ADCY7: variants seen among roughly 807,000 people sequenced by gnomAD.
ADCY7 encodes the protein adenylate cyclase type 7.
In ADCY7, 72 loss-of-function variants were observed where a neutral mutation model predicts 120.6. The ratio of observed to expected loss-of-function variants is 0.60; its 90% CI spans 0.49 to 0.73. The LOEUF (loss-of-function observed/expected upper bound fraction) is 0.73, where lower values mean the gene tolerates loss of function less well. Among genes scored for constraint, ADCY7 ranks in the 30% least tolerant of loss-of-function variants. The pLI is 0.00. For synonymous variants in ADCY7, 661 were observed against 628.0 expected, an observed-to-expected ratio of 1.05 and a Z score of -0.78; for missense variants, 1,227 against 1,486.0, an observed-to-expected ratio of 0.83 and a Z score of 2.87.
At position 50,301,118 on chromosome 16, in the gene ADCY7, G is replaced by A. The variant is rs773219805; in HGVS notation, c.1272G>A (p.Leu424=). 1.2e-6 allele frequency: 2 copies of A among 1,613,962 alleles called. No homozygotes were observed. Among genetic ancestry groups the A allele is most frequent in the Non-Finnish European group, 1.7e-6 (2 of 1,179,946 alleles). ...VHITEATLKH[L]DKAYEVEDGH... is the part of the protein sequence containing the mutation. Reference sequence around the variant, plus strand: ...TCACGGAGGCCACGCTAAAGCACCTGGACAAGGCGTACGAGGTGGAGGATG... The same window carrying A: ...TCACGGAGGCCACGCTAAAGCACCTAGACAAGGCGTACGAGGTGGAGGATG... The change falls in exon 10 of 26, where the codon CTG becomes CTA. Residue 424 remains leucine (L), a synonymous_variant. Transcript: ENST00000673801.
intron 1 of ADCY7, among the ~76,000 whole-genome samples, chr16:50,249,301 A>C (rs1460341025): frequency 6.6e-6 from 1 of 152,078 alleles, no homozygotes; most frequent in South Asian, 2.1e-4. Flanking sequence ...TTAGCCAGGC[A>C]TGGTGGTGTG....
At chr16:50,298,776 G>T in intron 7 of ADCY7, 128 bp from the exon 8 acceptor site, 2 of 1,348,270 alleles carry the variant, frequency 1.5e-6, no homozygotes, top group South Asian at 1.4e-5. Flanking sequence ...CCTGGTGACT[G>T]GACCCCAGGA....
chr16:50,290,627 C>T lies in ADCY7; in HGVS notation c.342C>T (p.Asp114=), dbSNP rs145557253. 69 of 1,614,042 alleles carry T rather than the reference C, an allele frequency of 4.3e-5. No homozygotes were observed. The highest frequency in any genetic ancestry group is 3.5e-4 in the African/African-American group (26 of 75,058). The change falls in exon 3 of 26, where the codon GAC becomes GAT. Residue 114 remains aspartate (D), a synonymous_variant. Coordinates refer to ENST00000673801, the MANE Select transcript of ADCY7 (RefSeq NM_001114.5). ...LVALGYVLVF[D]AWTKAACAWE... ...CGCTGGGCTATGTGCTGGTGTTCGA[C>T]GCATGGACAAAGGCGGCCTGTGCGT...
intron 17 of ADCY7, chr16:50,309,168 C>T: frequency 3.2e-6 from 1 of 314,794 alleles, no homozygotes; most frequent in South Asian, 6.6e-5. Flanking sequence ...CACTTGTCCA[C>T]CTCTCTCCCA....
chr16:50,314,102 C>T (rs1384706760), intron 23 of ADCY7, 40 bp downstream of exon 23: 1 of 1,581,516 alleles, frequency 6.3e-7, no homozygotes, highest in South Asian at 1.1e-5. Flanking sequence ...TGACTGTCCT[C>T]ACTTAAAGGT....
rs1389922152 is a variant in ADCY7 at position 50,317,950 on chromosome 16, G to A, written c.*2445G>A. On this transcript the variant is annotated 3_prime_UTR_variant, in exon 26 of 26. Coordinates refer to ENST00000673801, the MANE Select transcript of ADCY7 (RefSeq NM_001114.5). ...AAGATCATTAACCACTGTATACTTT[G>A]TGTATATAATAGGTCAGTGTAAAGA... 6.6e-6 allele frequency: 1 copy of A among 152,270 alleles called. No homozygotes were observed. The highest frequency in any genetic ancestry group is 1.5e-5 in the Non-Finnish European group (1 of 68,018). 9.4% of individuals were successfully genotyped at this position (152,270 alleles called of 1,614,324 possible).
At chr16:50,267,005 T>C (rs1401751953) in intron 1 of ADCY7, among the ~76,000 whole-genome samples, 3 of 152,148 alleles carry the variant, frequency 2.0e-5, no homozygotes, top group Non-Finnish European at 4.4e-5. Context: ...ATGTCCACAC[T>C]CCTTCTCGAG....
intron 1 of ADCY7, among the ~76,000 whole-genome samples, chr16:50,282,460 A>G (rs9940842): frequency 0.99 from 150,887 of 152,284 alleles, 74,773 homozygotes; most frequent in Middle Eastern, 1. Context: ...GGGATAAGGG[A>G]GTGTGTGTGG....
At chr16:50,285,167 C>T (rs1457220349) in intron 1 of ADCY7, among the ~76,000 whole-genome samples, 6 of 152,214 alleles carry the variant, frequency 3.9e-5, no homozygotes, top group Admixed American at 1.3e-4. Context: ...CATCATTTCA[C>T]GTAGAAATCA....
At chr16:50,276,289 A>C (rs538392713) in intron 1 of ADCY7, among the ~76,000 whole-genome samples, 1 of 152,240 alleles carries the variant, frequency 6.6e-6, no homozygotes, top group Non-Finnish European at 1.5e-5. Context: ...GGGCACTCAC[A>C]GACCAGAGTA....
chr16:50,260,682 T>C (rs983444620), intron 1 of ADCY7, among the ~76,000 whole-genome samples: 2 of 152,216 alleles, frequency 1.3e-5, no homozygotes, highest in African/African-American at 4.8e-5. Context: ...AAGGCTTGAC[T>C]GGGGCTGGAG....
rs763219848 is a variant in ADCY7, at chr16:50,300,818, G to T, written c.1180G>T (p.Val394Leu). ...CGGGCTGCGCAAGTGGCAGTATGAC[G>T]TGTGGTCCCACGACGTGTCCCTGGC... ...VIGLRKWQYD[V>L]WSHDVSLANR... The change falls in exon 9 of 26, where the codon GTG becomes TTG. Residue 394 changes from valine (V) to leucine (L), a missense_variant. Physicochemically the swap from Val to Leu is conservative, Grantham distance 32. Coordinates refer to ENST00000673801, the MANE Select transcript of ADCY7 (RefSeq NM_001114.5). The T allele has an allele frequency of 6.4e-7, 1 of 1,557,222 alleles. No homozygotes were observed. The highest frequency in any genetic ancestry group is 8.7e-7 in the Non-Finnish European group (1 of 1,150,208).
At chr16:50,308,831 G>GA (rs2036257863) in intron 17 of ADCY7, 39 bp downstream of exon 17, 1 of 1,569,866 alleles carries the variant, frequency 6.4e-7, no homozygotes, top group African/African-American at 1.3e-5. Context: ...CCGGGGTAGA[G>GA]GGAGACCTCC....
rs139279676 is a variant in ADCY7, at chr16:50,290,650, C to T, written c.365C>T (p.Ala122Val). 7.6e-4 allele frequency: 1,218 copies of T among 1,613,088 alleles called. 10 individuals are homozygous for T. In the East Asian group the frequency reaches 0.02, roughly 26 times the overall value. ...GACGCATGGACAAAGGCGGCCTGTG[C>T]GTGGGAGCAGGTAACAGGAACTCTG... is the stretch of plus-strand genomic sequence containing the variant. ...VFDAWTKAAC[A>V]WEQVPFFLFI... The change falls in exon 3 of 26, where the codon GCG becomes GTG. Residue 122 changes from alanine to valine, a missense_variant. This residue lies in a region of ADCY7 where 382 missense variants were observed against 411.4 expected (regional missense o/e 0.93). Coordinates refer to ENST00000673801, the MANE Select transcript of ADCY7 (RefSeq NM_001114.5).
rs773641527 is a variant in ADCY7, at chr16:50,310,677, G to GC, written c.2161-5dup. ...GTGGCCCTGTCCTGAGTGACACCCT[G>GC]CCCCCTCAGTACTACACCTGCAGCT... On this transcript the variant is annotated splice_polypyrimidine_tract_variant and intron_variant, in intron 18 of 25. Coordinates refer to ENST00000673801, the MANE Select transcript of ADCY7 (RefSeq NM_001114.5). 5 of 1,612,804 alleles carry GC rather than the reference G, an allele frequency of 3.1e-6. No homozygotes were observed. In the South Asian group the frequency reaches 5.5e-5, roughly 18 times the overall value.
chr16:50,287,767 C>T (rs770964026), intron 1 of ADCY7, 145 bp from the exon 2 acceptor site: 5 of 164,476 alleles, frequency 3.0e-5, no homozygotes, highest in Middle Eastern at 2.7e-3. Context: ...ACTAGCTTTA[C>T]GACAACAGGA....
chr16:50,276,923 G>A (rs2033931226), intron 1 of ADCY7, among the ~76,000 whole-genome samples: 1 of 152,126 alleles, frequency 6.6e-6, no homozygotes, highest in African/African-American at 2.4e-5. Flanking sequence ...TGATGGGCCT[G>A]GGATTCATTT....
chr16:50,306,580 G>C (rs1319377495), intron 14 of ADCY7, among the ~76,000 whole-genome samples: 1 of 137,132 alleles, frequency 7.3e-6, no homozygotes, highest in Non-Finnish European at 1.6e-5. Flanking sequence ...GAGTGGGGGT[G>C]GGGGGCGGGA....
intron 20 of ADCY7, 37 bp from the exon 21 acceptor site, chr16:50,311,999 C>T (rs1209859328): frequency 1.9e-6 from 3 of 1,611,678 alleles, no homozygotes; most frequent in East Asian, 2.2e-5. Context: ...CTCCCACTTG[C>T]CTGTGGACGG....
Sources: gnomAD v4.1 joint callset for allele counts (sites outside exome capture counted in the v4.1 genomes callset) on GRCh38, gnomAD v4.1.1 for gene constraint, gnomAD v4.1.1 regional missense constraint, MANE v1.5 for transcripts, NCBI Gene and HGNC (gene_info 2026-07-23, HGNC 2026-07-21) for gene names.